Variants in ZNF385D observed in about 807,000 individuals in gnomAD.
The protein encoded by ZNF385D is zinc finger protein 385D.
ZNF385D carries 15 observed loss-of-function variants against 35.8 expected under a neutral mutation model. The observed-to-expected ratio is 0.42, with a 90% CI of 0.28 to 0.64. The LOEUF (loss-of-function observed/expected upper bound fraction) is 0.64. Ranked by LOEUF, ZNF385D falls within the 30% of genes least tolerant of loss-of-function variation. The probability of loss-of-function intolerance (pLI) is 0.23; values close to 1 mark genes in which losing one functional copy is unlikely to be tolerated. For synonymous variants in ZNF385D, 212 were observed against 186.8 expected, an observed-to-expected ratio of 1.13 and a Z score of -1.10; for missense variants, 474 against 494.6, an observed-to-expected ratio of 0.96 and a Z score of 0.39.
At chr3:21,668,373 G>A (rs2066468017) in intron 1 of ZNF385D, among the ~76,000 whole-genome samples, 2 of 152,114 alleles carry the variant, frequency 1.3e-5, no homozygotes, top group African/African-American at 4.8e-5. Flanking sequence ...ATCTAGGGTA[G>A]GCTGAGGCCT....
intron 2 of ZNF385D, among the ~76,000 whole-genome samples, chr3:22,181,755 G>A (rs923674465): frequency 6.6e-5 from 10 of 151,784 alleles, no homozygotes; most frequent in African/African-American, 2.4e-4. Context: ...TCATGAGTGG[G>A]ATTATGTTAC....
intron 3 of ZNF385D, among the ~76,000 whole-genome samples, chr3:21,533,168 T>C (rs2061962107): frequency 6.6e-6 from 1 of 152,170 alleles, no homozygotes; most frequent in African/African-American, 2.4e-5. Flanking sequence ...TGGCCCTCGC[T>C]TTGTAGGCTG....
At chr3:22,321,747 T>C (rs1017397346) in intron 2 of ZNF385D, among the ~76,000 whole-genome samples, 1 of 152,162 alleles carries the variant, frequency 6.6e-6, no homozygotes, top group Non-Finnish European at 1.5e-5. Flanking sequence ...TGCTATTTCC[T>C]ACTTTTTTCC....
intron 3 of ZNF385D, among the ~76,000 whole-genome samples, chr3:21,905,935 A>G (rs1414148667): frequency 6.6e-6 from 1 of 152,314 alleles, no homozygotes; most frequent in Non-Finnish European, 1.5e-5. Flanking sequence ...AGACTGAACC[A>G]TGTAGCTGGA....
At chr3:22,344,085 A>G (rs964879141) in intron 2 of ZNF385D, among the ~76,000 whole-genome samples, 2 of 151,870 alleles carry the variant, frequency 1.3e-5, no homozygotes, top group Admixed American at 6.5e-5. Flanking sequence ...CATATATTGT[A>G]TATCAGTCCT....
At position 22,325,524 on chromosome 3, in the gene ZNF385D, G is replaced by A. The variant is rs1206649581; in HGVS notation, c.106+46926C>T. Among the ~76,000 whole-genome samples, 4 of 152,186 alleles carry A rather than the reference G, an allele frequency of 2.6e-5. No individual in the cohort carries two copies. The East Asian group carries it at 7.7e-4, about 29-fold the overall frequency. The stretch of plus-strand genomic sequence containing the variant: ...CACGCCTATAGTCCCAGCACCTTGG[G>A]ACGCTGAGGTGGGCTGATCATTTGA... On this transcript the variant is annotated intron_variant, in intron 2 of 5. Coordinates refer to the ZNF385D transcript ENST00000494108.
At chr3:22,191,800 A>C (rs1298531903) in intron 2 of ZNF385D, among the ~76,000 whole-genome samples, 2 of 152,172 alleles carry the variant, frequency 1.3e-5, no homozygotes, top group East Asian at 3.9e-4. Flanking sequence ...TGAAGGAATA[A>C]AATAACCTAG....
At chr3:21,980,556 G>T (rs949567118) in intron 3 of ZNF385D, among the ~76,000 whole-genome samples, 1 of 152,074 alleles carries the variant, frequency 6.6e-6, no homozygotes, top group Non-Finnish European at 1.5e-5. Context: ...CAGCCATATG[G>T]TTCAACCTTC....
chr3:21,925,919 C>T (rs570986959), intron 3 of ZNF385D, among the ~76,000 whole-genome samples: 4 of 152,142 alleles, frequency 2.6e-5, no homozygotes, highest in Admixed American at 1.3e-4. Flanking sequence ...AAATTAATAC[C>T]ACACTGAGCT....
chr3:21,740,064 AC>A (rs2125519331), intron 1 of ZNF385D, among the ~76,000 whole-genome samples: 1 of 152,314 alleles, frequency 6.6e-6, no homozygotes, highest in Non-Finnish European at 1.5e-5. Context: ...ATCCCAGTAC[AC>A]ATGAAACTTT....
chr3:21,757,142 T>TTTG (rs1383611959), intron 3 of ZNF385D, among the ~76,000 whole-genome samples: 3 of 146,248 alleles, frequency 2.1e-5, no homozygotes, highest in Non-Finnish European at 4.5e-5. Flanking sequence ...TTTTTTTTGT[T>TTTG]TTCTTGAGAT....
intron 3 of ZNF385D, among the ~76,000 whole-genome samples, chr3:22,031,296 T>C (rs955564808): frequency 3.9e-5 from 6 of 152,310 alleles, no homozygotes; most frequent in South Asian, 2.1e-4. Context: ...CCCTTGCATA[T>C]TGCCCTAGTA....
intron 3 of ZNF385D, among the ~76,000 whole-genome samples, chr3:21,899,738 C>G (rs180907689): frequency 1.3e-5 from 2 of 152,120 alleles, no homozygotes; most frequent in East Asian, 1.9e-4. Context: ...TATATTTGCT[C>G]CTACTAAACA....
chr3:21,508,360 T>G (rs1021684080), intron 4 of ZNF385D, among the ~76,000 whole-genome samples: 3 of 152,088 alleles, frequency 2.0e-5, no homozygotes, highest in Non-Finnish European at 2.9e-5. Flanking sequence ...CCCTCTAAAT[T>G]TATTATGCCA....
chr3:21,941,652 C>T (rs1575969562), intron 3 of ZNF385D, among the ~76,000 whole-genome samples: 1 of 151,914 alleles, frequency 6.6e-6, no homozygotes, highest in East Asian at 1.9e-4. Flanking sequence ...CGCCCGCCAC[C>T]ACGTCCGGAT....
intron 2 of ZNF385D, among the ~76,000 whole-genome samples, chr3:22,268,589 T>C (rs532457292): frequency 1.3e-5 from 2 of 152,186 alleles, no homozygotes; most frequent in East Asian, 3.9e-4. Context: ...GGCTCTGTTC[T>C]AGTAAAATTT....
intron 3 of ZNF385D, among the ~76,000 whole-genome samples, chr3:21,959,722 G>C (rs1247493909): frequency 2.0e-5 from 3 of 152,170 alleles, no homozygotes; most frequent in Non-Finnish European, 4.4e-5. Flanking sequence ...TGAAATACTT[G>C]AAACAAGAAG....
At chr3:21,618,367 A>G (rs766271750) in intron 2 of ZNF385D, among the ~76,000 whole-genome samples, 9 of 152,224 alleles carry the variant, frequency 5.9e-5, no homozygotes, top group Non-Finnish European at 1.2e-4. Flanking sequence ...GCAGAAGCTA[A>G]GAAGAGGCAA....
At chr3:21,428,223 G>T (rs1701111989) in intron 5 of ZNF385D, among the ~76,000 whole-genome samples, 1 of 152,016 alleles carries the variant, frequency 6.6e-6, no homozygotes, top group South Asian at 2.1e-4. Context: ...AGTATTAGAA[G>T]AACCCCTTTG....
Sources: allele counts gnomAD v4.1 joint callset (sites outside exome capture counted in the v4.1 genomes callset), GRCh38; gene constraint gnomAD v4.1.1; transcripts MANE v1.5; gene names NCBI Gene and HGNC (gene_info 2026-07-23, HGNC 2026-07-21).